MEI4: variants seen among roughly 807,000 people sequenced by gnomAD.
The protein encoded by MEI4 is meiotic double-stranded break formation protein 4, also known as meiosis-specific protein MEI4.
In MEI4, 27 loss-of-function variants were observed where a neutral mutation model predicts 31.4. That is an observed-to-expected ratio of 0.86 (90% confidence interval 0.63 to 1.19). The LOEUF (loss-of-function observed/expected upper bound fraction) is 1.19, where lower values mean the gene tolerates loss of function less well. MEI4 is among the 50% of genes most tolerant of loss of function. The pLI, the probability that MEI4 is intolerant of heterozygous loss-of-function variation, is 0.00. For missense variants in MEI4, 329 were observed against 398.9 expected, an observed-to-expected ratio of 0.82 and a Z score of 1.49; for synonymous variants, 122 against 145.4, an observed-to-expected ratio of 0.84 and a Z score of 1.16.
intron 2 of MEI4, among the ~76,000 whole-genome samples, chr6:77,698,833 A>C (rs530969180): frequency 6.6e-6 from 1 of 152,278 alleles, no homozygotes; most frequent in African/African-American, 2.4e-5. Flanking sequence ...AGATTGGGGA[A>C]GTTCTCCTGG....
At chr6:77,798,901 A>T (rs1769163730) in intron 3 of MEI4, among the ~76,000 whole-genome samples, 1 of 151,742 alleles carries the variant, frequency 6.6e-6, no homozygotes, top group Non-Finnish European at 1.5e-5. Context: ...ATTGTTGGAC[A>T]TTTGGCTTGG....
chr6:77,747,278 C>T (rs1299145179), intron 2 of MEI4, among the ~76,000 whole-genome samples: 2 of 152,062 alleles, frequency 1.3e-5, no homozygotes, highest in Non-Finnish European at 2.9e-5. Flanking sequence ...TGCCACTGCA[C>T]TTCAGCCTAG....
At chr6:77,839,935 G>C (rs550038956) in intron 4 of MEI4, among the ~76,000 whole-genome samples, 83 of 152,264 alleles carry the variant, frequency 5.5e-4, no homozygotes, top group African/African-American at 1.9e-3. Flanking sequence ...CAAGGCAAGT[G>C]ACAATCATCA....
intron 2 of MEI4, among the ~76,000 whole-genome samples, chr6:77,707,910 C>T (rs550765451): frequency 2.0e-5 from 3 of 152,346 alleles, no homozygotes; most frequent in Admixed American, 1.3e-4. Flanking sequence ...GCTTGGCAGC[C>T]TTCACCTAGA....
intron 2 of MEI4, among the ~76,000 whole-genome samples, chr6:77,748,452 C>G (rs891239846): frequency 1.3e-5 from 2 of 152,214 alleles, no homozygotes; most frequent in African/African-American, 4.8e-5. Context: ...CTTTCAGCTA[C>G]AACTGGAGCT....
intron 4 of MEI4, among the ~76,000 whole-genome samples, chr6:77,849,930 C>A (rs1405183584): frequency 5.3e-5 from 8 of 152,096 alleles, no homozygotes; most frequent in Non-Finnish European, 1.0e-4. Flanking sequence ...TACTGAAGAA[C>A]ACATCTAATA....
At chr6:77,908,062 G>A (rs888741425) in intron 4 of MEI4, among the ~76,000 whole-genome samples, 5 of 150,602 alleles carry the variant, frequency 3.3e-5, no homozygotes, top group African/African-American at 1.2e-4. Flanking sequence ...TTTGTCAGAT[G>A]AGTAGATTGC....
At chr6:77,756,014 G>T (rs1209616775) in intron 2 of MEI4, among the ~76,000 whole-genome samples, 1 of 152,088 alleles carries the variant, frequency 6.6e-6, no homozygotes, top group Non-Finnish European at 1.5e-5. Flanking sequence ...TACAGAAAGC[G>T]GCACCAGCAT....
intron 4 of MEI4, among the ~76,000 whole-genome samples, chr6:77,850,816 C>T (rs1309846504): frequency 1.3e-5 from 2 of 152,076 alleles, no homozygotes; most frequent in East Asian, 3.9e-4. Flanking sequence ...AGCTTCTGCA[C>T]AGCAAAAGAA....
At chr6:77,776,611 G>A (rs1053190956) in intron 3 of MEI4, among the ~76,000 whole-genome samples, 2 of 152,126 alleles carry the variant, frequency 1.3e-5, no homozygotes, top group Admixed American at 6.6e-5. Flanking sequence ...GCTGCCATCT[G>A]AAAGGATAAG....
intron 3 of MEI4, among the ~76,000 whole-genome samples, chr6:77,824,798 C>G (rs1769904140): frequency 1.3e-5 from 2 of 152,154 alleles, no homozygotes; most frequent in African/African-American, 4.8e-5. Flanking sequence ...TAGTATCCAA[C>G]TCTTTTGCCT....
In MEI4 at chr6:77,680,128, A is replaced by AAAAAAAAAAAAAAAAAAAAAAAAAT. The variant is rs1247876878; in HGVS notation, c.-14-10529_-14-10528insAAAAAAAAAAAAAAAAAAAAAAATA. ...CTACTAAAAATACAAAAAAAAAAAAAATTAGCTGGGCGTGATGGCGGGCGC... is the reference window on the plus strand; with the variant it reads ...CTACTAAAAATACAAAAAAAAAAAAAAAAAAAAAAAAAAAAAAAAAAAAATATTAGCTGGGCGTGATGGCGGGCGC... On this transcript the variant is annotated intron_variant, in intron 1 of 4. Coordinates refer to ENST00000684080, the MANE Select transcript of MEI4 (RefSeq NM_001322247.2). Among the ~76,000 whole-genome samples the AAAAAAAAAAAAAAAAAAAAAAAAAT allele has an allele frequency of 1.7e-4, 20 of 115,570 alleles. 1 individual carries two copies. The highest frequency in any genetic ancestry group is 2.3e-4 in the Non-Finnish European group (12 of 52,400). 75.8% of individuals were successfully genotyped at this position (115,570 alleles called of 152,430 possible).
intron 4 of MEI4, among the ~76,000 whole-genome samples, chr6:77,881,592 C>CA (rs1297198509): frequency 6.6e-6 from 1 of 152,166 alleles, no homozygotes; most frequent in East Asian, 1.9e-4. Flanking sequence ...TAATGGAAAA[C>CA]ACAGGGGTAG....
chr6:77,789,237 CT>C (rs751898284), intron 3 of MEI4, among the ~76,000 whole-genome samples: 88 of 152,260 alleles, frequency 5.8e-4, no homozygotes, highest in Non-Finnish European at 1.0e-3. Flanking sequence ...TTCCTTACAC[CT>C]TATACAAAAA....
intron 1 of MEI4, among the ~76,000 whole-genome samples, chr6:77,659,947 T>A (rs12179434): frequency 1.3e-5 from 2 of 151,118 alleles, no homozygotes; most frequent in Non-Finnish European, 3.0e-5. Flanking sequence ...AGAGTTAATA[T>A]AAGGAGAAAG....
At chr6:77,709,207 A>G (rs1766400861) in intron 2 of MEI4, among the ~76,000 whole-genome samples, 2 of 152,236 alleles carry the variant, frequency 1.3e-5, no homozygotes, top group Non-Finnish European at 2.9e-5. Context: ...AAAGTACACA[A>G]GAAAAAGATT....
intron 1 of MEI4, among the ~76,000 whole-genome samples, chr6:77,687,902 A>G (rs747716196): frequency 3.9e-5 from 6 of 152,116 alleles, no homozygotes; most frequent in Non-Finnish European, 7.4e-5. Context: ...ATGATCCATC[A>G]TTAATTCAGT....
At chr6:77,807,118 A>G (rs1352410270) in intron 3 of MEI4, among the ~76,000 whole-genome samples, 1 of 147,782 alleles carries the variant, frequency 6.8e-6, no homozygotes, top group Admixed American at 6.8e-5. Flanking sequence ...GACATATGCT[A>G]TTTCTTTGGA....
chr6:77,771,893 G>A (rs1197864497), intron 3 of MEI4, among the ~76,000 whole-genome samples: 3 of 151,818 alleles, frequency 2.0e-5, no homozygotes, highest in Non-Finnish European at 4.4e-5. Context: ...CATGACATGA[G>A]TTTACTTATA....
Sources: allele counts gnomAD v4.1 joint callset (sites outside exome capture counted in the v4.1 genomes callset), GRCh38; gene constraint gnomAD v4.1.1; transcripts MANE v1.5; gene names NCBI Gene and HGNC (gene_info 2026-07-23, HGNC 2026-07-21).